USP12: variants seen among roughly 807,000 people sequenced by gnomAD.
USP12 encodes ubiquitin specific peptidase 12.
USP12 carries 19 observed loss-of-function variants against 45.5 expected under a neutral mutation model. The ratio of observed to expected loss-of-function variants is 0.42; its 90% CI spans 0.29 to 0.61. USP12 has a LOEUF of 0.61. Among genes scored for constraint, USP12 ranks in the 20% least tolerant of loss-of-function variants. The pLI is 0.22. For missense variants in USP12, 242 were observed against 447.7 expected (o/e 0.54, Z 4.15); for synonymous variants, 149 against 148.8 (o/e 1.00, Z -0.01).
intron 1 of USP12, among the ~76,000 whole-genome samples, chr13:27,151,222 T>G (rs966081561): frequency 2.0e-5 from 3 of 151,856 alleles, no homozygotes; most frequent in Admixed American, 6.6e-5. Flanking sequence ...TCCCAGCTAC[T>G]CGGGAGTCTG....
In USP12 at chr13:27,084,374, C is replaced by T. The variant is rs142851413; in HGVS notation, c.734+5509G>A. Among the ~76,000 whole-genome samples the T allele has an allele frequency of 3.8e-3, 580 of 151,584 alleles. 2 individuals are homozygous for T. The highest frequency in any genetic ancestry group is 9.1e-3 in the Admixed American group (138 of 15,194). On this transcript the variant is annotated intron_variant, in intron 6 of 8. Transcript: ENST00000282344. ...TACAAAAATTAGCTGGGCATGGTGGCGCACACCTGTAGTCCCAGCTACTCA... is the reference window on the plus strand; with the variant it reads ...TACAAAAATTAGCTGGGCATGGTGGTGCACACCTGTAGTCCCAGCTACTCA...
At chr13:27,161,037 T>G (rs1442541310) in intron 1 of USP12, among the ~76,000 whole-genome samples, 1 of 152,096 alleles carries the variant, frequency 6.6e-6, no homozygotes, top group East Asian at 1.9e-4. Context: ...CTTCTAAACA[T>G]TATATCCCGT....
At chr13:27,153,153 G>T (rs1248911710) in intron 1 of USP12, among the ~76,000 whole-genome samples, 1 of 151,838 alleles carries the variant, frequency 6.6e-6, no homozygotes, top group East Asian at 1.9e-4. Flanking sequence ...CCAACATGGC[G>T]AAACCCTGTC....
chr13:27,096,486 T>C (rs929208665), intron 3 of USP12, among the ~76,000 whole-genome samples: 9 of 152,204 alleles, frequency 5.9e-5, no homozygotes, highest in Non-Finnish European at 1.3e-4. Context: ...GAAATATTGG[T>C]GGTGCTAACA....
At chr13:27,158,662 G>C (rs748188940) in intron 1 of USP12, among the ~76,000 whole-genome samples, 1 of 152,106 alleles carries the variant, frequency 6.6e-6, no homozygotes, top group Non-Finnish European at 1.5e-5. Context: ...ACATCTAAAC[G>C]TAGAAAAGGT....
In USP12 at chr13:27,171,608, G is replaced by A. The variant is rs376021980; in HGVS notation, c.32C>T (p.Ala11Val). Residue 11 changes from alanine (A) to valine (V), a missense_variant, in exon 1 of 9, where the codon GCC becomes GTC. This residue lies in a region of USP12 where 19 missense variants were observed against 16.1 expected (regional missense o/e 1.18). Transcript: ENST00000282344. MEILMTVSKF[A>V]SICTMGANAS... Reference sequence around the variant, plus strand: ...GCCACCTACCATGGTACAGATGGAGGCGAATTTGGAGACTGTCATTAGGAT... The same window carrying A: ...GCCACCTACCATGGTACAGATGGAGACGAATTTGGAGACTGTCATTAGGAT... 1.5e-6 allele frequency: 2 copies of A among 1,296,994 alleles called. No individual in the cohort carries two copies. The highest frequency in any genetic ancestry group is 1.6e-5 in the African/African-American group (1 of 63,042). The allele number at this position is 1,296,994 out of a possible 1,614,324, so 80.3% of individuals were successfully genotyped here.
intron 1 of USP12, among the ~76,000 whole-genome samples, chr13:27,120,245 T>A (rs180899604): frequency 6.6e-6 from 1 of 152,332 alleles, no homozygotes; most frequent in African/African-American, 2.4e-5. Context: ...AAACATTCAA[T>A]AATAATAGCT....
chr13:27,163,352 G>A (rs1878198878), intron 1 of USP12, among the ~76,000 whole-genome samples: 1 of 152,076 alleles, frequency 6.6e-6, no homozygotes, highest in African/African-American at 2.4e-5. Context: ...GAGCCTAAGA[G>A]TAACACATTA....
At chr13:27,086,195 A>ATATATATAT (rs1326329926) in intron 6 of USP12, among the ~76,000 whole-genome samples, 7 of 61,998 alleles carry the variant, frequency 1.1e-4, no homozygotes, top group Admixed American at 6.9e-4. Context: ...AAAAAAAAAA[A>ATATATATAT]AAATATATAT....
intron 6 of USP12, among the ~76,000 whole-genome samples, chr13:27,086,219 T>TATATATATGC (rs1874033689): frequency 7.4e-6 from 1 of 135,610 alleles, no homozygotes; most frequent in African/African-American, 2.7e-5. Flanking sequence ...TATATATATA[T>TATATATATGC]GCGCACATAT....
At chr13:27,070,803 T>C (rs556219132) in intron 8 of USP12, among the ~76,000 whole-genome samples, 177 of 152,328 alleles carry the variant, frequency 1.2e-3, no homozygotes, top group Non-Finnish European at 2.1e-3. Flanking sequence ...TCCGCCCGCC[T>C]CAGCCTCCCC....
rs1289444305 is a variant in USP12, at chr13:27,086,187, A to ATATATAT, written c.734+3695_734+3696insATATATA. ...CTTTTGTCTCTTTAAAAAAAAAAAAAAAAAAAAAAAATATATATATATATA... is the reference window on the plus strand; with the variant it reads ...CTTTTGTCTCTTTAAAAAAAAAAAAATATATATAAAAAAAAAAATATATATATATATA... On this transcript the variant is annotated intron_variant, in intron 6 of 8. Transcript: ENST00000282344. Among the ~76,000 whole-genome samples, 657 of 72,566 alleles carry ATATATAT rather than the reference A, an allele frequency of 9.1e-3. 12 individuals are homozygous for ATATATAT. The highest frequency in any genetic ancestry group is 0.014 in the Middle Eastern group (2 of 148). 47.6% of individuals were successfully genotyped at this position (72,566 alleles called of 152,430 possible). A position where few individuals can be genotyped will look rare whatever the true frequency, so the allele number is the denominator to read the frequency against.
intron 1 of USP12, among the ~76,000 whole-genome samples, chr13:27,136,593 AG>A (rs1876815820): frequency 6.6e-6 from 1 of 152,228 alleles, no homozygotes; most frequent in Admixed American, 6.5e-5. Context: ...TAATTATCCT[AG>A]GTTAGTTTGT....
At chr13:27,154,446 G>C (rs1877723626) in intron 1 of USP12, among the ~76,000 whole-genome samples, 1 of 152,108 alleles carries the variant, frequency 6.6e-6, no homozygotes, top group South Asian at 2.1e-4. Context: ...CTGGTAGTGT[G>C]CTAACAGTAC....
Position 27,095,601 on chromosome 13 carries a change from A to C in USP12, c.573T>G (p.Thr191=), listed in dbSNP as rs138187961. 11 of 1,588,356 alleles carry C rather than the reference A, an allele frequency of 6.9e-6. No homozygotes were observed. The African/African-American group carries it at 1.2e-4, about 18-fold the overall frequency. Residue 191 remains threonine (T), a splice_region_variant and synonymous_variant, in exon 4 of 9, where the codon ACT becomes ACG. Transcript: ENST00000282344. ...ATACAAAATTGTATGATATACTTAC[A>C]GTTTCACAAGTAAGACATCTGGTTT... ...TNETRCLTCE[T]ISSKDEDFLD...
At chr13:27,083,605 C>A (rs1461633052) in intron 6 of USP12, among the ~76,000 whole-genome samples, 1 of 152,174 alleles carries the variant, frequency 6.6e-6, no homozygotes, top group African/African-American at 2.4e-5. Flanking sequence ...ATTTCCCACA[C>A]TGCTATCTTT....
At chr13:27,170,016 G>T (rs60064156) in intron 1 of USP12, 1 of 274,022 alleles carries the variant, frequency 3.6e-6, no homozygotes, top group Non-Finnish European at 6.8e-6. Context: ...CACTGTAAAA[G>T]ACCTAATTAT....
chr13:27,073,274 G>A (rs1873329173), intron 7 of USP12, among the ~76,000 whole-genome samples: 1 of 152,196 alleles, frequency 6.6e-6, no homozygotes, highest in South Asian at 2.1e-4. Flanking sequence ...AGTTCCCAGT[G>A]AAGGCAGACC....
At chr13:27,100,421 T>C (rs1210141480) in intron 3 of USP12, among the ~76,000 whole-genome samples, 6 of 152,180 alleles carry the variant, frequency 3.9e-5, no homozygotes, top group African/African-American at 1.4e-4. Flanking sequence ...TTTTCTAGTT[T>C]CCTACTGCTA....
Sources: allele counts gnomAD v4.1 joint callset (sites outside exome capture counted in the v4.1 genomes callset), GRCh38; gene constraint gnomAD v4.1.1; regional missense constraint gnomAD v4.1.1; transcripts MANE v1.5; gene names NCBI Gene and HGNC (gene_info 2026-07-23, HGNC 2026-07-21).